Variants in INPP4A observed in about 807,000 individuals in gnomAD.
The protein encoded by INPP4A is inositol polyphosphate-4-phosphatase type I A.
Under a neutral mutation model 119.8 loss-of-function variants are expected in INPP4A, and 33 were observed. The observed-to-expected ratio is 0.28, with a 90% CI of 0.21 to 0.37. INPP4A has a LOEUF of 0.37. Ranked by LOEUF, INPP4A falls within the 10% of genes least tolerant of loss-of-function variation. The probability of loss-of-function intolerance (pLI) is 1.00; values close to 1 mark genes in which losing one functional copy is unlikely to be tolerated. For missense variants in INPP4A, 956 were observed against 1,289.9 expected, an observed-to-expected ratio of 0.74 and a Z score of 3.97; for synonymous variants, 496 against 500.7, an observed-to-expected ratio of 0.99 and a Z score of 0.12.
chr2:98,445,372 G>T (rs761732500), intron 1 of INPP4A, among the ~76,000 whole-genome samples: 13 of 152,332 alleles, frequency 8.5e-5, no homozygotes, highest in Non-Finnish European at 1.5e-4. Flanking sequence ...CAGACGCGGT[G>T]CCTGCCCGAT....
intron 16 of INPP4A, among the ~76,000 whole-genome samples, chr2:98,557,883 A>G (rs777312767): frequency 2.6e-5 from 4 of 151,568 alleles, no homozygotes; most frequent in Non-Finnish European, 5.9e-5. Context: ...GTGCACCACT[A>G]TCGCCCCACC....
chr2:98,591,719 G>A lies in INPP4A; in HGVS notation c.*4111G>A, dbSNP rs1258800873. ...TTTGCGCTGGAGGAAGGTAAGAGGA[G>A]CTGGAGGTTGGAGCTTCCCGATTTG... On this transcript the variant is annotated 3_prime_UTR_variant, in exon 25 of 25. Transcript: ENST00000409851. The A allele has an allele frequency of 3.3e-5, 5 of 152,424 alleles. No individual in the cohort carries two copies. Among genetic ancestry groups the A allele is most frequent in the African/African-American group, 1.2e-4 (5 of 41,468 alleles). 9.4% of individuals were successfully genotyped at this position (152,424 alleles called of 1,614,324 possible). A position where few individuals can be genotyped will look rare whatever the true frequency, so the allele number is the denominator to read the frequency against.
chr2:98,586,289 T>C (rs1424830201), intron 24 of INPP4A, among the ~76,000 whole-genome samples: 3 of 152,098 alleles, frequency 2.0e-5, no homozygotes, highest in Non-Finnish European at 2.9e-5. Context: ...TTCTTGATAA[T>C]GAGACTGTCA....
chr2:98,526,626 G>C (rs1453953407), intron 4 of INPP4A, among the ~76,000 whole-genome samples: 1 of 152,146 alleles, frequency 6.6e-6, no homozygotes, highest in East Asian at 1.9e-4. Flanking sequence ...ACAGCACTCT[G>C]GGTAGCATTT....
intron 4 of INPP4A, among the ~76,000 whole-genome samples, chr2:98,525,211 T>C (rs925805873): frequency 6.6e-6 from 1 of 152,242 alleles, no homozygotes; most frequent in African/African-American, 2.4e-5. Flanking sequence ...CACATTCCTC[T>C]TGTGGACTTA....
intron 1 of INPP4A, among the ~76,000 whole-genome samples, chr2:98,494,367 G>A (rs1468558623): frequency 6.6e-6 from 1 of 152,196 alleles, no homozygotes; most frequent in African/African-American, 2.4e-5. Context: ...CTAGTTTGTA[G>A]GGCAGAGGTT....
chr2:98,510,066 G>A (rs1030926860), intron 1 of INPP4A, among the ~76,000 whole-genome samples: 1 of 152,244 alleles, frequency 6.6e-6, no homozygotes, highest in African/African-American at 2.4e-5. Context: ...ACTGCTAGGA[G>A]GTTCACAGGC....
At chr2:98,515,360 GT>G (rs1007713600) in intron 1 of INPP4A, among the ~76,000 whole-genome samples, 5 of 146,756 alleles carry the variant, frequency 3.4e-5, no homozygotes, top group African/African-American at 1.0e-4. Flanking sequence ...TGCTGCCTGT[GT>G]TTGGAGAGCA....
chr2:98,470,793 G>A (rs574098541), intron 1 of INPP4A, among the ~76,000 whole-genome samples: 23 of 151,970 alleles, frequency 1.5e-4, no homozygotes, highest in Admixed American at 1.3e-3. Context: ...TCAGCCTCCC[G>A]AGCAGCTGGG....
chr2:98,558,711 A>G lies in INPP4A; in HGVS notation c.1823-752A>G, dbSNP rs138066132. Among the ~76,000 whole-genome samples, 521 of 152,284 alleles carry G rather than the reference A, an allele frequency of 3.4e-3. 8 individuals carry two copies. Among genetic ancestry groups the G allele is most frequent in the African/African-American group, 0.012 (481 of 41,556 alleles). ...TGTTTTCTTCCATGATTCCTTTTCA[A>G]ACTTGTTTTCTCTTAGATGGTGCAC... On this transcript the variant is annotated intron_variant, in intron 16 of 24. Transcript: ENST00000409851.
chr2:98,467,573 T>C (rs779660955), intron 1 of INPP4A, among the ~76,000 whole-genome samples: 6 of 152,238 alleles, frequency 3.9e-5, no homozygotes, highest in Non-Finnish European at 5.9e-5. Context: ...CCCTTGGAAC[T>C]GAGTGGAAAT....
At chr2:98,453,753 A>G (rs1036332605) in intron 1 of INPP4A, among the ~76,000 whole-genome samples, 6 of 152,148 alleles carry the variant, frequency 3.9e-5, no homozygotes, top group Non-Finnish European at 5.9e-5. Flanking sequence ...AGCAGGCACA[A>G]AGTCCTGAGC....
rs549857762 is a variant in INPP4A at position 98,593,800 on chromosome 2, G to C, written c.*6192G>C. 1 of 152,256 alleles carries C rather than the reference G, an allele frequency of 6.6e-6. No homozygotes were observed. Among genetic ancestry groups the C allele is most frequent in the African/African-American group, 2.4e-5 (1 of 41,410 alleles). 9.4% of individuals were successfully genotyped at this position (152,256 alleles called of 1,614,324 possible). On this transcript the variant is annotated 3_prime_UTR_variant, in exon 25 of 25. Transcript: ENST00000409851. ...TTCCATCCATGCACCCCAAGGCCTGGTCTGTATCAGTCCCCTCGGATCTGG... is the reference window on the plus strand; with the variant it reads ...TTCCATCCATGCACCCCAAGGCCTGCTCTGTATCAGTCCCCTCGGATCTGG...
At chr2:98,465,096 A>T (rs1480109181) in intron 1 of INPP4A, among the ~76,000 whole-genome samples, 1 of 152,204 alleles carries the variant, frequency 6.6e-6, no homozygotes, top group Non-Finnish European at 1.5e-5. Flanking sequence ...AATCCCTTGT[A>T]TTAGCTTCCT....
intron 1 of INPP4A, among the ~76,000 whole-genome samples, chr2:98,454,592 G>A (rs1361534416): frequency 2.0e-5 from 3 of 152,066 alleles, no homozygotes; most frequent in African/African-American, 7.2e-5. Context: ...TGACAGTCTT[G>A]GTAACTGTTT....
intron 1 of INPP4A, among the ~76,000 whole-genome samples, chr2:98,467,042 T>C (rs1674929857): frequency 1.3e-5 from 2 of 152,198 alleles, no homozygotes; most frequent in South Asian, 4.1e-4. Flanking sequence ...CTGCATCTGG[T>C]GAGGCCTCAG....
intron 7 of INPP4A, among the ~76,000 whole-genome samples, chr2:98,537,662 C>T (rs963218433): frequency 2.6e-5 from 4 of 152,190 alleles, no homozygotes; most frequent in African/African-American, 9.6e-5. Context: ...CAGACACAGC[C>T]CTCCACTGTG....
chr2:98,498,180 C>T (rs1682416415), intron 1 of INPP4A, among the ~76,000 whole-genome samples: 1 of 152,048 alleles, frequency 6.6e-6, no homozygotes, highest in Non-Finnish European at 1.5e-5. Context: ...ACCCAGATCT[C>T]ATGTTGAATT....
At chr2:98,489,418 A>G (rs936976263) in intron 1 of INPP4A, among the ~76,000 whole-genome samples, 3 of 152,092 alleles carry the variant, frequency 2.0e-5, no homozygotes, top group African/African-American at 4.8e-5. Context: ...ATATGCCAAC[A>G]CCCAGCCCTG....
Sources: allele counts gnomAD v4.1 joint callset (sites outside exome capture counted in the v4.1 genomes callset), GRCh38; gene constraint gnomAD v4.1.1; transcripts MANE v1.5; gene names NCBI Gene and HGNC (gene_info 2026-07-23, HGNC 2026-07-21).